Variants in OAT observed in about 807,000 individuals in gnomAD.
OAT encodes ornithine aminotransferase, mitochondrial.
Under a neutral mutation model 48.4 loss-of-function variants are expected in OAT, and 35 were observed. That is an observed-to-expected ratio of 0.72 (90% CI 0.55 to 0.96). OAT has a LOEUF of 0.96. Ranked by LOEUF, OAT falls within the 40% of genes least tolerant of loss-of-function variation. The pLI is 0.00. For missense variants in OAT, 438 were observed against 537.9 expected (o/e 0.81, Z 1.84); for synonymous variants, 182 against 198.4 (o/e 0.92, Z 0.70).
intron 4 of OAT, chr10:124,407,513 A>C: frequency 1.1e-6 from 1 of 927,406 alleles, no homozygotes; most frequent in Non-Finnish European, 1.3e-6. Flanking sequence ...ATGGCAAGTT[A>C]CAGAGTTTTG....
At chr10:124,409,947 T>C (rs11244770) in intron 2 of OAT, among the ~76,000 whole-genome samples, 5,664 of 152,302 alleles carry the variant, frequency 0.037, 348 homozygotes, top group African/African-American at 0.13. Context: ...GGCACTCTCA[T>C]ACATTGCTAG....
intron 4 of OAT, chr10:124,406,943 G>A (rs1951597507): frequency 3.0e-6 from 3 of 984,650 alleles, no homozygotes; most frequent in Non-Finnish European, 3.6e-6. Flanking sequence ...ATTTCAGAGA[G>A]GATGACATTC....
Position 124,408,523 on chromosome 10 carries a change from AATAT to A in OAT, c.520+15_520+18del. 1 of 1,568,588 alleles carries A rather than the reference AATAT, an allele frequency of 6.4e-7. No individual in the cohort carries two copies. ...ATTGTATGTTTCAATCATAGAAGTT[AATAT>A]TTAATTTCACATACCTGCAAAAACA... On this transcript the variant is annotated intron_variant, in intron 4 of 9. Transcript: ENST00000368845.
intron 5 of OAT, among the ~76,000 whole-genome samples, chr10:124,405,009 G>A (rs577191283): frequency 8.9e-4 from 135 of 152,226 alleles, no homozygotes; most frequent in Middle Eastern, 3.4e-3. Context: ...GTGCCACTGC[G>A]CTCCAGCCTA....
chr10:124,409,389 C>A (rs1451790460), intron 2 of OAT, among the ~76,000 whole-genome samples: 3 of 151,958 alleles, frequency 2.0e-5, no homozygotes, highest in African/African-American at 7.3e-5. Context: ...ACGGCAAAAT[C>A]CCTGACGCTA....
rs537564033 is a variant in OAT at position 124,407,749 on chromosome 10, A to G, written c.520+793T>C. On this transcript the variant is annotated intron_variant, in intron 4 of 9. Coordinates refer to ENST00000368845, the MANE Select transcript of OAT (RefSeq NM_000274.4). ...TTTAAAAAAATAAAGCTTAAAAAAC[A>G]AGTCAGAACCTCTCATTTGAATATC... Among the ~76,000 whole-genome samples, 4 of 152,362 alleles carry G rather than the reference A, an allele frequency of 2.6e-5. No individual in the cohort carries two copies. The South Asian group carries it at 8.3e-4, about 32-fold the overall frequency.
At position 124,418,895 on chromosome 10, in the gene OAT, G is replaced by A. The variant is rs1365935512; in HGVS notation, c.-52C>T. 6.6e-6 allele frequency: 1 copy of A among 152,022 alleles called. No homozygotes were observed. Among genetic ancestry groups the A allele is most frequent in the Non-Finnish European group, 1.5e-5 (1 of 68,040 alleles). 9.4% of individuals were successfully genotyped at this position (152,022 alleles called of 1,614,324 possible). ...TACCTGACAGCGCCTGAGGACAACC[G>A]GGTACACGCGGCGTCTATGAAGCGC... On this transcript the variant is annotated 5_prime_UTR_variant, in exon 1 of 10. Coordinates refer to ENST00000368845, the MANE Select transcript of OAT (RefSeq NM_000274.4).
chr10:124,415,489 C>G (rs1005655726), intron 1 of OAT, among the ~76,000 whole-genome samples: 1 of 152,190 alleles, frequency 6.6e-6, no homozygotes, highest in Non-Finnish European at 1.5e-5. Context: ...AGGTCAGAAA[C>G]TGGATGAGCC....
chr10:124,401,946 A>C, intron 7 of OAT, 107 bp from the exon 8 acceptor site: 1 of 798,012 alleles, frequency 1.3e-6, no homozygotes, highest in Admixed American at 2.0e-5. Context: ...CAGTGGCGTG[A>C]TCTCAGCTCA....
In OAT at chr10:124,397,434, T is replaced by G. The variant is rs1951264279; in HGVS notation, c.*508A>C. ...TAATTCTTAATTCAAAATAATGACATCCATAGAATACAACCCTGGTGTTGG... is the reference window on the plus strand; with the variant it reads ...TAATTCTTAATTCAAAATAATGACAGCCATAGAATACAACCCTGGTGTTGG... On this transcript the variant is annotated 3_prime_UTR_variant, in exon 10 of 10. Transcript: ENST00000368845. 6.6e-6 allele frequency: 1 copy of G among 152,582 alleles called. No individual in the cohort carries two copies. The highest frequency in any genetic ancestry group is 2.1e-4 in the South Asian group (1 of 4,852). The allele number at this position is 152,582 out of a possible 1,614,324, so 9.5% of individuals were successfully genotyped here. A position where few individuals can be genotyped will look rare whatever the true frequency, so the allele number is the denominator to read the frequency against.
intron 1 of OAT, among the ~76,000 whole-genome samples, chr10:124,413,597 C>T (rs1228597748): frequency 6.6e-6 from 1 of 152,138 alleles, no homozygotes; most frequent in Non-Finnish European, 1.5e-5. Context: ...GCAGGAGAAT[C>T]GCTTGAACTT....
intron 1 of OAT, among the ~76,000 whole-genome samples, chr10:124,418,633 C>T (rs907330843): frequency 9.9e-5 from 15 of 152,158 alleles, no homozygotes; most frequent in Non-Finnish European, 1.6e-4. Flanking sequence ...CACGCCCCTG[C>T]CCCCTGAAGC....
At chr10:124,410,305 T>A (rs1314053494) in intron 2 of OAT, among the ~76,000 whole-genome samples, 1 of 152,168 alleles carries the variant, frequency 6.6e-6, no homozygotes, top group Admixed American at 6.5e-5. Context: ...CACAAGATAC[T>A]TAATACAAAG....
Position 124,397,857 on chromosome 10 carries a change from A to C in OAT, c.*85T>G. The C allele has an allele frequency of 2.0e-6, 3 of 1,523,624 alleles. No homozygotes were observed. The highest frequency in any genetic ancestry group is 1.8e-6 in the Non-Finnish European group (2 of 1,100,142). The allele number at this position is 1,523,624 out of a possible 1,614,324, so 94.4% of individuals were successfully genotyped here. On this transcript the variant is annotated 3_prime_UTR_variant, in exon 10 of 10. Transcript: ENST00000368845. ...GTTTTTGAAGACTCATGGGAGTGGA[A>C]TGTGCCCACATTAGGAATAAAGCTT...
intron 1 of OAT, among the ~76,000 whole-genome samples, chr10:124,413,577 G>A (rs1181653003): frequency 6.6e-6 from 1 of 152,266 alleles, no homozygotes; most frequent in East Asian, 1.9e-4. Flanking sequence ...CAGCGACTCA[G>A]GAGGCTAAGG....
Position 124,406,802 on chromosome 10 carries a change from C to CAAA in OAT, c.521-1242_521-1240dup, listed in dbSNP as rs58613966. 438 of 155,764 alleles carry CAAA rather than the reference C, an allele frequency of 2.8e-3. 18 individuals carry two copies. Among genetic ancestry groups the CAAA allele is most frequent in the Non-Finnish European group, 4.4e-3 (385 of 87,896 alleles). The allele number at this position is 155,764 out of a possible 1,614,324, so 9.6% of individuals were successfully genotyped here. ...AGGTGACAAGAGTGAAACTCTGTCT[C>CAAA]AAAAAAAAAAAAAAAAAAAGTTGGG... On this transcript the variant is annotated intron_variant, in intron 4 of 9. Transcript: ENST00000368845.
At chr10:124,408,475 C>T (rs1589710804) in intron 4 of OAT, 67 bp downstream of exon 4, 2 of 1,401,714 alleles carry the variant, frequency 1.4e-6, no homozygotes, top group Non-Finnish European at 2.0e-6. Context: ...CATGAGCCAC[C>T]ATGCCTGGCC....
chr10:124,411,139 C>CAA (rs370084432), intron 2 of OAT, among the ~76,000 whole-genome samples: 669 of 14,806 alleles, frequency 0.045, 98 homozygotes, highest in Non-Finnish European at 0.065. Context: ...CATTCCGTCT[C>CAA]AAAAAAAAAA....
chr10:124,410,447 G>A (rs985885265), intron 2 of OAT, among the ~76,000 whole-genome samples: 1 of 152,152 alleles, frequency 6.6e-6, no homozygotes, highest in Admixed American at 6.5e-5. Context: ...TCTGGATTAG[G>A]TCTCTAGACT....
Sources: allele counts gnomAD v4.1 joint callset (sites outside exome capture counted in the v4.1 genomes callset), GRCh38; gene constraint gnomAD v4.1.1; transcripts MANE v1.5; gene names NCBI Gene and HGNC (gene_info 2026-07-23, HGNC 2026-07-21).